Variants in WWOX observed in about 807,000 individuals in gnomAD.
WWOX encodes WW domain-containing oxidoreductase.
WWOX carries 69 observed loss-of-function variants against 46.2 expected under a neutral mutation model. The ratio of observed to expected loss-of-function variants is 1.49; its 90% CI spans 1.23 to 1.82. The LOEUF (loss-of-function observed/expected upper bound fraction) is 1.82, where lower values mean the gene tolerates loss of function less well. Ranked by LOEUF, WWOX falls within the 40% of genes most tolerant of loss-of-function variation. The pLI, the probability that WWOX is intolerant of heterozygous loss-of-function variation, is 0.00. For synonymous variants in WWOX, 359 were observed against 202.6 expected (o/e 1.77, Z -6.56); for missense variants, 919 against 542.6 (o/e 1.69, Z -6.89).
intron 8 of WWOX, among the ~76,000 whole-genome samples, chr16:78,808,084 G>A (rs2051089948): frequency 6.6e-6 from 1 of 152,102 alleles, no homozygotes; most frequent in South Asian, 2.1e-4. Context: ...TCCCCATTTG[G>A]AGACTCTCCT....
intron 5 of WWOX, among the ~76,000 whole-genome samples, chr16:78,354,022 A>G (rs2081234601): frequency 6.6e-6 from 1 of 152,172 alleles, no homozygotes; most frequent in African/African-American, 2.4e-5. Flanking sequence ...TATTTTCTTC[A>G]TAAGAATTCA....
intron 8 of WWOX, among the ~76,000 whole-genome samples, chr16:78,889,008 C>G (rs537278985): frequency 2.4e-4 from 37 of 152,154 alleles, no homozygotes; most frequent in African/African-American, 8.7e-4. Context: ...CTCCAGCTCC[C>G]CCTAGAAACT....
intron 8 of WWOX, among the ~76,000 whole-genome samples, chr16:78,984,164 C>A (rs745686313): frequency 3.3e-5 from 5 of 152,106 alleles, no homozygotes; most frequent in Non-Finnish European, 5.9e-5. Flanking sequence ...AGGCATGAGC[C>A]ATCGCGCCCG....
At chr16:78,746,226 G>C (rs2049344293) in intron 8 of WWOX, among the ~76,000 whole-genome samples, 1 of 152,212 alleles carries the variant, frequency 6.6e-6, no homozygotes, top group South Asian at 2.1e-4. Context: ...GACTGAGCAT[G>C]GTGGCTCACA....
intron 2 of WWOX, 145 bp from the exon 3 acceptor site, chr16:78,109,631 CAT>C: frequency 1.3e-6 from 1 of 755,956 alleles, no homozygotes; most frequent in Non-Finnish European, 2.3e-6. Flanking sequence ...GCAGTTGGAA[CAT>C]GTGACGAAAG....
chr16:78,565,782 T>A (rs11864127), intron 8 of WWOX, among the ~76,000 whole-genome samples: 24,715 of 152,072 alleles, frequency 0.16, 2,440 homozygotes, highest in African/African-American at 0.28. Flanking sequence ...TCCGCGGAAG[T>A]AGAGAATATA....
At chr16:78,766,736 C>A (rs544395170) in intron 8 of WWOX, among the ~76,000 whole-genome samples, 1 of 152,320 alleles carries the variant, frequency 6.6e-6, no homozygotes, top group South Asian at 2.1e-4. Flanking sequence ...AGATCAAGCT[C>A]TTCCACAGAT....
chr16:78,721,039 T>C (rs148318254), intron 8 of WWOX, among the ~76,000 whole-genome samples: 7 of 152,246 alleles, frequency 4.6e-5, no homozygotes, highest in South Asian at 2.1e-4. Flanking sequence ...TGCATTCTTA[T>C]TAGTCTATAA....
At chr16:78,888,677 C>T (rs944198683) in intron 8 of WWOX, among the ~76,000 whole-genome samples, 1 of 152,184 alleles carries the variant, frequency 6.6e-6, no homozygotes, top group African/African-American at 2.4e-5. Context: ...CTGAGATGCT[C>T]TTGTGGCTGG....
chr16:78,486,876 T>C (rs545407946), intron 8 of WWOX, among the ~76,000 whole-genome samples: 2 of 152,304 alleles, frequency 1.3e-5, no homozygotes, highest in African/African-American at 2.4e-5. Flanking sequence ...CCGACCATTG[T>C]CTGTCAGGTT....
At chr16:78,611,349 C>T (rs2550668) in intron 8 of WWOX, among the ~76,000 whole-genome samples, 125,237 of 152,198 alleles carry the variant, frequency 0.82, 51,742 homozygotes, top group Non-Finnish European at 0.85. Flanking sequence ...AACAAAACTA[C>T]AGGAGGTTGA....
intron 5 of WWOX, among the ~76,000 whole-genome samples, chr16:78,214,208 A>G (rs528007406): frequency 5.3e-5 from 8 of 152,162 alleles, no homozygotes; most frequent in African/African-American, 9.6e-5. Flanking sequence ...TTGTCACCCA[A>G]AGTCACCGCA....
intron 4 of WWOX, among the ~76,000 whole-genome samples, chr16:78,154,829 T>A (rs2034543093): frequency 6.6e-6 from 1 of 152,134 alleles, no homozygotes; most frequent in African/African-American, 2.4e-5. Flanking sequence ...ATTCGGTGAT[T>A]GAGTTGTGAA....
At chr16:78,311,639 T>C (rs1001384895) in intron 5 of WWOX, among the ~76,000 whole-genome samples, 33 of 152,198 alleles carry the variant, frequency 2.2e-4, no homozygotes, top group African/African-American at 8.0e-4. Context: ...CTCAACTTAC[T>C]TCTAGTGGTA....
chr16:78,208,452 A>G (rs1384750099), intron 5 of WWOX, among the ~76,000 whole-genome samples: 4 of 152,216 alleles, frequency 2.6e-5, no homozygotes, highest in African/African-American at 7.2e-5. Flanking sequence ...CCTTAGGACT[A>G]GACAAATCAA....
intron 8 of WWOX, among the ~76,000 whole-genome samples, chr16:78,633,235 C>G (rs527581178): frequency 6.6e-6 from 1 of 152,144 alleles, no homozygotes; most frequent in Non-Finnish European, 1.5e-5. Flanking sequence ...GCGCTCCATG[C>G]TAGGTGACAG....
intron 8 of WWOX, among the ~76,000 whole-genome samples, chr16:78,769,264 T>G (rs931483456): frequency 6.6e-6 from 1 of 152,150 alleles, no homozygotes; most frequent in African/African-American, 2.4e-5. Flanking sequence ...CACCTGGGAG[T>G]TGGGGGGAGT....
chr16:78,340,335 T>C, intron 5 of WWOX, among the ~76,000 whole-genome samples: 1 of 117,844 alleles, frequency 8.5e-6, no homozygotes, highest in East Asian at 1.9e-4. Context: ...TCGCTGGGAC[T>C]ACATGTGCGT....
chr16:78,727,914 T>C (rs1249025753), intron 8 of WWOX, among the ~76,000 whole-genome samples: 2 of 152,250 alleles, frequency 1.3e-5, no homozygotes, highest in Non-Finnish European at 1.5e-5. Context: ...CATTTGTTTA[T>C]CTGGGTCATT....
Sources: allele counts gnomAD v4.1 joint callset (sites outside exome capture counted in the v4.1 genomes callset), GRCh38; gene constraint gnomAD v4.1.1; transcripts MANE v1.5; gene names NCBI Gene and HGNC (gene_info 2026-07-23, HGNC 2026-07-21).